SHANK2: variants seen among roughly 807,000 people sequenced by gnomAD.
The protein encoded by SHANK2 is SH3 and multiple ankyrin repeat domains protein 2.
In SHANK2, 43 loss-of-function variants were observed where a neutral mutation model predicts 133.7. The observed-to-expected ratio is 0.32, with a 90% CI of 0.25 to 0.41. The LOEUF is 0.41. Ranked by LOEUF, SHANK2 falls within the 10% of genes least tolerant of loss-of-function variation. SHANK2 has a pLI of 1.00. For synonymous variants in SHANK2, 1,017 were observed against 952.8 expected (o/e 1.07, Z -1.24); for missense variants, 1,994 against 2,235.8 (o/e 0.89, Z 2.18).
At chr11:70,476,862 G>A (rs573474420) in intron 25 of SHANK2, among the ~76,000 whole-genome samples, 1 of 152,302 alleles carries the variant, frequency 6.6e-6, no homozygotes, top group East Asian at 1.9e-4. Flanking sequence ...GGCCTGTGAA[G>A]CAGAGGCAAG....
intron 10 of SHANK2, chr11:70,950,986 G>A (rs782331832): frequency 6.0e-6 from 1 of 166,264 alleles, no homozygotes; most frequent in Non-Finnish European, 1.3e-5. Flanking sequence ...GAATTTGAAG[G>A]CACATTAAGA....
intron 10 of SHANK2, among the ~76,000 whole-genome samples, chr11:70,950,576 C>T (rs1031161601): frequency 6.6e-6 from 1 of 152,084 alleles, no homozygotes; most frequent in East Asian, 1.9e-4. Flanking sequence ...GGTCCCACCT[C>T]TTCGTGCTGC....
intron 17 of SHANK2, among the ~76,000 whole-genome samples, chr11:70,645,508 C>CA (rs1192642093): frequency 6.6e-6 from 1 of 152,148 alleles, no homozygotes; most frequent in East Asian, 1.9e-4. Context: ...TAACTGACAA[C>CA]AAAAAATGTC....
chr11:70,684,203 C>T (rs1945094386), intron 15 of SHANK2, among the ~76,000 whole-genome samples: 1 of 152,158 alleles, frequency 6.6e-6, no homozygotes, highest in African/African-American at 2.4e-5. Flanking sequence ...TGTCCCCGTC[C>T]CCCTACCCAG....
chr11:70,887,744 G>A (rs1949768988), intron 11 of SHANK2, among the ~76,000 whole-genome samples: 1 of 152,156 alleles, frequency 6.6e-6, no homozygotes, highest in Non-Finnish European at 1.5e-5. Context: ...AGAAAAATGT[G>A]TGGTATTTTA....
At chr11:70,714,048 G>A (rs1190324031) in intron 14 of SHANK2, among the ~76,000 whole-genome samples, 3 of 152,212 alleles carry the variant, frequency 2.0e-5, no homozygotes, top group African/African-American at 7.2e-5. Context: ...GAAGCTCAGC[G>A]CTTCTCCCAG....
intron 10 of SHANK2, among the ~76,000 whole-genome samples, chr11:70,897,079 A>C (rs1055433740): frequency 1.3e-5 from 2 of 152,270 alleles, no homozygotes; most frequent in African/African-American, 2.4e-5. Flanking sequence ...ATGCACAGCC[A>C]GATGAGTGGC....
intron 14 of SHANK2, among the ~76,000 whole-genome samples, chr11:70,772,543 G>A (rs961659127): frequency 6.6e-6 from 1 of 152,006 alleles, no homozygotes; most frequent in South Asian, 2.1e-4. Context: ...TTGAAACATT[G>A]GAGAAACTAT....
rs188707919 is a variant in SHANK2, at chr11:70,596,141, A to G, written c.2061+63687T>C. Reference sequence around the variant, plus strand: ...GGCCTCTAGAGCTGCAGGAGGATCAATCTCTGCGGTGCTGAGCTGTCCTGC... The same window carrying G: ...GGCCTCTAGAGCTGCAGGAGGATCAGTCTCTGCGGTGCTGAGCTGTCCTGC... On this transcript the variant is annotated intron_variant, in intron 17 of 25. Coordinates refer to ENST00000601538, the MANE Select transcript of SHANK2 (RefSeq NM_012309.5). Among the ~76,000 whole-genome samples the G allele has an allele frequency of 4.4e-3, 664 of 152,314 alleles. 7 individuals are homozygous for G. The highest frequency in any genetic ancestry group is 0.015 in the African/African-American group (637 of 41,568).
intron 3 of SHANK2, among the ~76,000 whole-genome samples, chr11:71,133,495 C>T (rs571039888): frequency 3.0e-5 from 4 of 134,436 alleles, no homozygotes; most frequent in Non-Finnish European, 4.7e-5. Flanking sequence ...GATGGACGGA[C>T]GGATGGATGG....
chr11:70,529,500 T>C (rs12803092), intron 17 of SHANK2, among the ~76,000 whole-genome samples: 46,199 of 152,174 alleles, frequency 0.3, 7,439 homozygotes, highest in East Asian at 0.62. Context: ...TATTTTAGAA[T>C]AGCCTAGAAG....
intron 15 of SHANK2, among the ~76,000 whole-genome samples, chr11:70,662,670 C>G (rs1167022677): frequency 6.6e-6 from 1 of 152,036 alleles, no homozygotes; most frequent in Non-Finnish European, 1.5e-5. Context: ...GCCACAACTG[C>G]TTGCCTCTAG....
chr11:70,470,235 G>A lies in SHANK2; in HGVS notation c.*2634C>T, dbSNP rs536713645. 1.0e-4 allele frequency: 16 copies of A among 152,460 alleles called. No homozygotes were observed. The highest frequency in any genetic ancestry group is 3.8e-4 in the East Asian group (2 of 5,206). 9.4% of individuals were successfully genotyped at this position (152,460 alleles called of 1,614,324 possible). A position where few individuals can be genotyped will look rare whatever the true frequency, so the allele number is the denominator to read the frequency against. On this transcript the variant is annotated 3_prime_UTR_variant, in exon 26 of 26. Transcript: ENST00000601538. ...TTATTTGTTGGTCAGTGCAGGTTCT[G>A]ATAGGTCTATTACTTCTCTATAATA...
chr11:70,934,475 T>G lies in SHANK2; in HGVS notation c.1108-37908A>C, dbSNP rs190517606. ...CTGCCTGGGAAGCAGTCCTTGGCTG[T>G]CCCCACCCTGCTACAGGGTAAGCTC... On this transcript the variant is annotated intron_variant, in intron 10 of 25. Transcript: ENST00000601538. 4.9e-3 allele frequency among the ~76,000 whole-genome samples: 746 copies of G among 152,160 alleles called. 4 individuals carry two copies. Among genetic ancestry groups the G allele is most frequent in the African/African-American group, 0.017 (713 of 41,536 alleles).
In SHANK2 at chr11:70,553,488, C is replaced by A. The variant is rs1273142520; in HGVS notation, c.2062-50557G>T. Among the ~76,000 whole-genome samples the A allele has an allele frequency of 2.6e-5, 4 of 152,170 alleles. No individual in the cohort carries two copies. In the East Asian group the frequency reaches 7.7e-4, roughly 29 times the overall value. On this transcript the variant is annotated intron_variant, in intron 17 of 25. Coordinates refer to ENST00000601538, the MANE Select transcript of SHANK2 (RefSeq NM_012309.5). ...CGCTAATGCATGGATTTTTGAGGGA[C>A]ACAACTCAGCTGTGACGATCCCCAG...
At chr11:71,205,572 T>A (rs147956604) in intron 2 of SHANK2, among the ~76,000 whole-genome samples, 1 of 152,302 alleles carries the variant, frequency 6.6e-6, no homozygotes, top group African/African-American at 2.4e-5. Context: ...TCTAGCTGTT[T>A]GTTAGCATTC....
chr11:70,795,483 G>A (rs1179646229), intron 14 of SHANK2, among the ~76,000 whole-genome samples: 3 of 139,414 alleles, frequency 2.2e-5, no homozygotes, highest in African/African-American at 5.3e-5. Context: ...TCAGCTCACT[G>A]CAACCTCCGC....
At chr11:70,845,198 CA>C (rs782471301) in intron 11 of SHANK2, among the ~76,000 whole-genome samples, 1,748 of 51,672 alleles carry the variant, frequency 0.034, 17 homozygotes, top group African/African-American at 0.11. Context: ...GACTCTGTCT[CA>C]AAAAAAAAAA....
At chr11:71,169,162 CA>C (rs1953254939) in intron 2 of SHANK2, among the ~76,000 whole-genome samples, 1 of 152,158 alleles carries the variant, frequency 6.6e-6, no homozygotes, top group Non-Finnish European at 1.5e-5. Context: ...TGGTTGGTTA[CA>C]ATGATGTGGT....
Sources: allele counts gnomAD v4.1 joint callset (sites outside exome capture counted in the v4.1 genomes callset), GRCh38; gene constraint gnomAD v4.1.1; transcripts MANE v1.5; gene names NCBI Gene and HGNC (gene_info 2026-07-23, HGNC 2026-07-21).